Variants in SWI5 observed in about 807,000 individuals in gnomAD.
The protein encoded by SWI5 is DNA repair protein SWI5 homolog.
A neutral mutation model predicts 17.0 loss-of-function variants in SWI5; 12 were observed. The observed-to-expected ratio is 0.71, with a 90% CI of 0.45 to 1.14. SWI5 has a LOEUF of 1.14. Ranked by LOEUF, SWI5 falls within the 50% of genes most tolerant of loss-of-function variation. The pLI, the probability that SWI5 is intolerant of heterozygous loss-of-function variation, is 0.00. For synonymous variants in SWI5, 61 were observed against 64.0 expected (o/e 0.95, Z 0.22); for missense variants, 158 against 162.2 (o/e 0.97, Z 0.14).
intron 4 of SWI5, among the ~76,000 whole-genome samples, 174 bp from the exon 5 acceptor site, chr9:128,288,478 A>G (rs1018199725): frequency 2.6e-5 from 4 of 152,156 alleles, no homozygotes; most frequent in Non-Finnish European, 4.4e-5. Context: ...GACAGCCTGG[A>G]AGGAGTAGCA....
chr9:128,280,663 G>A (rs962011089), intron 2 of SWI5, among the ~76,000 whole-genome samples: 6 of 152,016 alleles, frequency 3.9e-5, no homozygotes, highest in African/African-American at 1.4e-4. Context: ...GACTACAGGC[G>A]CCCGCCACCA....
intron 4 of SWI5, among the ~76,000 whole-genome samples, chr9:128,287,183 A>C (rs1326481051): frequency 6.8e-6 from 1 of 147,718 alleles, no homozygotes; most frequent in Non-Finnish European, 1.5e-5. Flanking sequence ...GCTGGCTCGC[A>C]CTTGTATCCC....
chr9:128,287,260 C>A (rs547701096), intron 4 of SWI5, among the ~76,000 whole-genome samples: 33 of 151,100 alleles, frequency 2.2e-4, no homozygotes, highest in Non-Finnish European at 1.0e-4. Flanking sequence ...GCCTGGCCAA[C>A]GCAGTGAAAC....
exon 3 of SWI5, chr9:128,284,606 AAGG>A: frequency 6.2e-7 from 1 of 1,613,866 alleles, no homozygotes; most frequent in South Asian, 1.1e-5. Flanking sequence ...CATGCTGGAC[AAGG>A]AGATCTCCCA....
chr9:128,283,992 A>T (rs1224434718), intron 2 of SWI5, among the ~76,000 whole-genome samples: 1 of 104,264 alleles, frequency 9.6e-6, no homozygotes, highest in Non-Finnish European at 1.9e-5. Context: ...GACCCTATTA[A>T]AAAAAAAAAA....
At chr9:128,275,410 G>C (rs1416351922), upstream of SWI5, 1 of 1,291,258 alleles carries the variant, frequency 7.7e-7, no homozygotes, top group Non-Finnish European at 9.9e-7. Flanking sequence ...GCTCCGCGAT[G>C]GGGGAGGGGA....
chr9:128,278,753 A>G, intron 2 of SWI5: 1 of 434,002 alleles, frequency 2.3e-6, no homozygotes. Flanking sequence ...AAACTGAGAA[A>G]CTGAGTTGTT....
chr9:128,279,478 C>T (rs919149966), intron 2 of SWI5, among the ~76,000 whole-genome samples: 4 of 152,192 alleles, frequency 2.6e-5, no homozygotes, highest in African/African-American at 9.7e-5. Context: ...GTCACATGAT[C>T]GTGGGCCAGT....
intron 2 of SWI5, among the ~76,000 whole-genome samples, chr9:128,279,489 G>A (rs1831498494): frequency 6.6e-6 from 1 of 152,190 alleles, no homozygotes. Context: ...GTGGGCCAGT[G>A]GGCCCTTCCC....
rs541644451 is a variant in SWI5 at position 128,285,208 on chromosome 9, G to A, written c.233+577G>A. ...AGAGGGAGAGAGAGAGGAGAGGAAA[G>A]AAAAAGGAAGGAAGGAAAGAAAGGA... On this transcript the variant is annotated intron_variant, in intron 3 of 4. Coordinates refer to ENST00000418976, the Ensembl canonical transcript of SWI5. The surrounding 1 kb of genome is among the most constrained non-coding windows in gnomAD (Gnocchi z 4.8). Among the ~76,000 whole-genome samples, 1 of 147,148 alleles carries A rather than the reference G, an allele frequency of 6.8e-6. No homozygotes were observed. Among genetic ancestry groups the A allele is most frequent in the South Asian group, 2.1e-4 (1 of 4,674 alleles).
intron 2 of SWI5, among the ~76,000 whole-genome samples, chr9:128,280,510 T>TAAAA (rs776076324): frequency 3.0e-5 from 4 of 133,434 alleles, no homozygotes; most frequent in South Asian, 2.4e-4. Context: ...CTGTTCTTTT[T>TAAAA]AAAAAAAAAA....
intron 2 of SWI5, 94 bp downstream of exon 2, chr9:128,276,849 C>T (rs1395662703): frequency 4.6e-6 from 6 of 1,305,500 alleles, no homozygotes; most frequent in African/African-American, 1.5e-5. Flanking sequence ...AGCCAATCCC[C>T]GCTTGGCCCT....
chr9:128,280,938 C>T (rs1831526923), intron 2 of SWI5, among the ~76,000 whole-genome samples: 1 of 152,022 alleles, frequency 6.6e-6, no homozygotes, highest in African/African-American at 2.4e-5. Flanking sequence ...ACACATTCAC[C>T]CCTGGGTATC....
At chr9:128,284,979 AAG>A (rs1831611846) in intron 3 of SWI5, among the ~76,000 whole-genome samples, 1 of 149,028 alleles carries the variant, frequency 6.7e-6, no homozygotes, top group East Asian at 2.0e-4. Context: ...AAAAAAAAAA[AAG>A]GTTTAACTCT....
chr9:128,283,073 G>GGGA (rs562336387), intron 2 of SWI5, among the ~76,000 whole-genome samples: 121 of 152,264 alleles, frequency 7.9e-4, no homozygotes, highest in African/African-American at 2.9e-3. Flanking sequence ...CCAGCACTTT[G>GGGA]GGAGGCCGAG....
At chr9:128,281,505 G>A (rs1296043777) in intron 2 of SWI5, among the ~76,000 whole-genome samples, 1 of 151,986 alleles carries the variant, frequency 6.6e-6, no homozygotes, top group Non-Finnish European at 1.5e-5. Flanking sequence ...CCCACTTCTG[G>A]GTCAGTCCAG....
exon 5 of SWI5, chr9:128,288,670 C>T (rs540426180): frequency 6.2e-7 from 1 of 1,614,164 alleles, no homozygotes; most frequent in South Asian, 1.1e-5. Flanking sequence ...CGAGGTGTCA[C>T]CACCAAAGAG....
exon 3 of SWI5, chr9:128,284,579 C>T (rs764460192): frequency 6.2e-7 from 1 of 1,613,984 alleles, no homozygotes; most frequent in Admixed American, 1.7e-5. Context: ...CATTCAGAAA[C>T]TGAAGGAGAA....
chr9:128,281,513 C>T (rs1564373976), intron 2 of SWI5, among the ~76,000 whole-genome samples: 1 of 152,192 alleles, frequency 6.6e-6, no homozygotes, highest in Non-Finnish European at 1.5e-5. Flanking sequence ...TGGGTCAGTC[C>T]AGTTGCCCTG....
Sources: gnomAD v4.1 joint callset for allele counts (sites outside exome capture counted in the v4.1 genomes callset) on GRCh38, gnomAD v4.1.1 for gene constraint, Gnocchi (gnomAD v3.1) non-coding constraint, MANE v1.5 for transcripts, NCBI Gene and HGNC (gene_info 2026-07-23, HGNC 2026-07-21) for gene names.